SERPINB12: variants seen among roughly 807,000 people sequenced by gnomAD.
SERPINB12 encodes serpin family B member 12.
A neutral mutation model predicts 41.1 loss-of-function variants in SERPINB12; 57 were observed. That is an observed-to-expected ratio of 1.39 (90% CI 1.12 to 1.73). SERPINB12 has a LOEUF of 1.73. SERPINB12 is among the 40% of genes most tolerant of loss of function. The probability of loss-of-function intolerance (pLI) is 0.00; values close to 1 mark genes in which losing one functional copy is unlikely to be tolerated. For synonymous variants in SERPINB12, 180 were observed against 181.3 expected, an observed-to-expected ratio of 0.99 and a Z score of 0.06; for missense variants, 536 against 501.9, an observed-to-expected ratio of 1.07 and a Z score of -0.65.
chr18:63,545,393 A>G (rs1412183325), intron 1 of SERPINB12, among the ~76,000 whole-genome samples: 1 of 152,142 alleles, frequency 6.6e-6, no homozygotes, highest in African/African-American at 2.4e-5. Flanking sequence ...CTTGACATTT[A>G]GTAAGTGCTC....
chr18:63,555,213 A>G (rs576925445), intron 1 of SERPINB12, among the ~76,000 whole-genome samples: 1 of 152,354 alleles, frequency 6.6e-6, no homozygotes, highest in Non-Finnish European at 1.5e-5. Context: ...ATGACTGACT[A>G]AAGTGCCTCA....
chr18:63,559,393 G>C (rs1489239693), intron 3 of SERPINB12, among the ~76,000 whole-genome samples, 185 bp from the exon 4 acceptor site: 1 of 151,936 alleles, frequency 6.6e-6, no homozygotes, highest in Non-Finnish European at 1.5e-5. Context: ...TCTTCCACTG[G>C]GACCACTTCT....
chr18:63,547,196 T>A (rs531474496), intron 1 of SERPINB12, among the ~76,000 whole-genome samples: 4 of 152,304 alleles, frequency 2.6e-5, no homozygotes, highest in Admixed American at 6.5e-5. Context: ...CCTGGTCAGA[T>A]GCCTGATGTA....
chr18:63,523,720 A>C, the SERPINB12 span, among the ~76,000 whole-genome samples: 1 of 152,198 alleles, frequency 6.6e-6, no homozygotes, highest in Non-Finnish European at 1.5e-5. Context: ...TTCAGGACAA[A>C]CATTTCAGCA....
chr18:63,563,811 G>T lies in SERPINB12; in HGVS notation c.563-167G>T, dbSNP rs1414642489. On this transcript the variant is annotated intron_variant, in intron 5 of 7. Transcript: ENST00000382768. ...CTCTGGCGGCTGAGGCAGGAGAATC[G>T]CTTGAACCCAGAAGGCAGAGGTTGC... 3.3e-5 allele frequency among the ~76,000 whole-genome samples: 5 copies of T among 151,702 alleles called. No homozygotes were observed. The East Asian group carries it at 7.7e-4, about 23-fold the overall frequency.
chr18:63,522,012 C>T, the SERPINB12 span, among the ~76,000 whole-genome samples: 1 of 152,184 alleles, frequency 6.6e-6, no homozygotes, highest in Non-Finnish European at 1.5e-5. Context: ...CGTATTATAG[C>T]TATAGAGAAA....
chr18:63,561,002 C>A, intron 4 of SERPINB12, 83 bp from the exon 5 acceptor site: 1 of 862,742 alleles, frequency 1.2e-6, no homozygotes, highest in Non-Finnish European at 1.9e-6. Flanking sequence ...TCTTGGGAGA[C>A]TTCTCAGGAG....
rs1308342958 is a variant in SERPINB12 at position 63,569,044 on chromosome 18, C to T, written c.*2033C>T. The stretch of plus-strand genomic sequence containing the variant: ...GCTGTTTCCATGTCTGACTTGGCAC[C>T]ACTGCCCGACACGTAGCTGGAAACC... On this transcript the variant is annotated 3_prime_UTR_variant, in exon 8 of 8. Coordinates refer to ENST00000382768, the MANE Select transcript of SERPINB12 (RefSeq NM_001307928.2). Among the ~76,000 whole-genome samples, 1 of 152,154 alleles carries T rather than the reference C, an allele frequency of 6.6e-6. No homozygotes were observed. The highest frequency in any genetic ancestry group is 1.5e-5 in the Non-Finnish European group (1 of 68,030).
In SERPINB12 at chr18:63,563,983, A is replaced by G. The variant is rs1330013833; in HGVS notation, c.568A>G (p.Ile190Val). ...FWVECQSQGK[I>V]KELFSKDAIN... ...TCTCTGGGATCTTTTTTTAGGTAAA[A>G]TCAAGGAACTCTTCAGCAAGGACGC... is the stretch of plus-strand genomic sequence containing the variant. The change falls in exon 6 of 8, where the codon ATC becomes GTC. Residue 190 changes from isoleucine to valine, a missense_variant. Ile to Val is a conservative substitution (Grantham distance 29). Transcript: ENST00000382768. The G allele has an allele frequency of 6.2e-7, 1 of 1,607,606 alleles. No homozygotes were observed. Among genetic ancestry groups the G allele is most frequent in the African/African-American group, 1.3e-5 (1 of 74,588 alleles).
At chr18:63,525,280 C>T in the SERPINB12 span, among the ~76,000 whole-genome samples, 1 of 152,034 alleles carries the variant, frequency 6.6e-6, no homozygotes, top group Non-Finnish European at 1.5e-5. Context: ...GAAAATACAT[C>T]TTAGCTTTCT....
intron 2 of SERPINB12, among the ~76,000 whole-genome samples, chr18:63,557,179 G>A (rs1470180761): frequency 6.6e-6 from 1 of 152,046 alleles, no homozygotes; most frequent in Non-Finnish European, 1.5e-5. Context: ...GGTAAGTCAT[G>A]CCCATCCTAT....
At chr18:63,543,594 A>T in intron 1 of SERPINB12, among the ~76,000 whole-genome samples, 1 of 75,862 alleles carries the variant, frequency 1.3e-5, no homozygotes, top group Non-Finnish European at 3.3e-5. Flanking sequence ...TTTTATTTTT[A>T]TTTATTTTTT....
intron 1 of SERPINB12, among the ~76,000 whole-genome samples, chr18:63,555,455 G>A (rs935081014): frequency 2.0e-5 from 3 of 152,170 alleles, no homozygotes; most frequent in African/African-American, 4.8e-5. Flanking sequence ...TTCATTTTAC[G>A]TGAATACAGG....
At chr18:63,529,718 T>C in the SERPINB12 span, among the ~76,000 whole-genome samples, 3 of 152,052 alleles carry the variant, frequency 2.0e-5, no homozygotes, top group African/African-American at 7.2e-5. Context: ...CCTGTATGTA[T>C]AGTTTGGGGT....
chr18:63,548,588 T>A (rs913400979), intron 1 of SERPINB12, among the ~76,000 whole-genome samples: 13 of 151,826 alleles, frequency 8.6e-5, no homozygotes, highest in African/African-American at 2.9e-4. Flanking sequence ...ACATAAAATG[T>A]TTATATAATA....
the SERPINB12 span, among the ~76,000 whole-genome samples, chr18:63,528,989 A>G: frequency 6.6e-6 from 1 of 152,090 alleles, no homozygotes; most frequent in South Asian, 2.1e-4. Flanking sequence ...CTGGAAGTAG[A>G]TAGTGCAAAG....
At chr18:63,559,848 T>C (rs1910844189) in intron 4 of SERPINB12, 130 bp downstream of exon 4, 1 of 911,118 alleles carries the variant, frequency 1.1e-6, no homozygotes. Context: ...TGTGGACTGG[T>C]GAGGTGTCCA....
chr18:63,559,016 T>TTCTC (rs1448711554), intron 3 of SERPINB12, among the ~76,000 whole-genome samples: 1 of 60,430 alleles, frequency 1.7e-5, no homozygotes, highest in African/African-American at 4.7e-5. Context: ...CTTTCTTTCT[T>TTCTC]TCTTTCTTTC....
chr18:63,537,081 A>G, the SERPINB12 span, among the ~76,000 whole-genome samples: 1 of 152,226 alleles, frequency 6.6e-6, no homozygotes, highest in Non-Finnish European at 1.5e-5. Flanking sequence ...CTATGTAAAT[A>G]TAAAATAATT....
Sources: gnomAD v4.1 joint callset for allele counts (sites outside exome capture counted in the v4.1 genomes callset) on GRCh38, gnomAD v4.1.1 for gene constraint, MANE v1.5 for transcripts, NCBI Gene and HGNC (gene_info 2026-07-23, HGNC 2026-07-21) for gene names.